The following DPP6 variants were observed in gnomAD, a reference collection of about 807,000 sequenced individuals.
DPP6 encodes A-type potassium channel modulatory protein DPP6.
Under a neutral mutation model 122.6 loss-of-function variants are expected in DPP6, and 69 were observed. The observed-to-expected ratio is 0.56, with a 90% CI of 0.46 to 0.69. The LOEUF (loss-of-function observed/expected upper bound fraction) is 0.69. Ranked by LOEUF, DPP6 falls within the 30% of genes least tolerant of loss-of-function variation. The pLI, the probability that DPP6 is intolerant of heterozygous loss-of-function variation, is 0.00. For missense variants in DPP6, 928 were observed against 1,116.9 expected (o/e 0.83, Z 2.41); for synonymous variants, 418 against 433.1 (o/e 0.97, Z 0.43).
intron 1 of DPP6, among the ~76,000 whole-genome samples, chr7:154,372,466 G>C (rs567064987): frequency 6.6e-6 from 1 of 152,158 alleles, no homozygotes; most frequent in Non-Finnish European, 1.5e-5. Flanking sequence ...CTGGCCGTGC[G>C]TGGGCAGTCA....
At chr7:153,868,424 C>T in the DPP6 span, among the ~76,000 whole-genome samples, 78 of 152,126 alleles carry the variant, frequency 5.1e-4, 1 homozygote, top group African/African-American at 1.8e-3. Context: ...TCTAGATTTT[C>T]TAGTTTATTT....
intron 1 of DPP6, among the ~76,000 whole-genome samples, chr7:154,140,121 A>C (rs1196825491): frequency 1.3e-5 from 2 of 152,164 alleles, no homozygotes; most frequent in African/African-American, 4.8e-5. Context: ...CAGCCCCTAC[A>C]TCGCTCTTTC....
chr7:154,873,914 A>C (rs1015350970), intron 19 of DPP6, among the ~76,000 whole-genome samples: 2 of 150,432 alleles, frequency 1.3e-5, no homozygotes, highest in African/African-American at 4.9e-5. Context: ...ACATAGGCAC[A>C]CACACATGCA....
chr7:154,113,410 T>C (rs866529889), intron 1 of DPP6, among the ~76,000 whole-genome samples: 62 of 139,852 alleles, frequency 4.4e-4, no homozygotes, highest in African/African-American at 1.5e-3. Flanking sequence ...TATATATATA[T>C]ATACACACAC....
the DPP6 span, among the ~76,000 whole-genome samples, chr7:153,791,513 G>A: frequency 2.1e-5 from 3 of 141,272 alleles, no homozygotes; most frequent in Non-Finnish European, 1.5e-5. Context: ...CTGCCTCCCA[G>A]GTGGTTCAAG....
chr7:154,153,100 T>C (rs1796505306), intron 1 of DPP6, among the ~76,000 whole-genome samples: 1 of 152,262 alleles, frequency 6.6e-6, no homozygotes, highest in Non-Finnish European at 1.5e-5. Context: ...GTCTGCCTTC[T>C]GGGTCAAGTG....
At chr7:154,049,612 GGAGTCGT>G (rs1173290293), upstream of DPP6, among the ~76,000 whole-genome samples, 3 of 129,170 alleles carry the variant, frequency 2.3e-5, no homozygotes, top group South Asian at 2.5e-4. Context: ...ATTTAGAGAT[GGAGTCGT>G]GCTCTGTCGC....
Position 154,751,727 on chromosome 7 carries a change from G to A in DPP6, c.884-17690G>A, listed in dbSNP as rs1294057398. 3.3e-5 allele frequency among the ~76,000 whole-genome samples: 5 copies of A among 152,234 alleles called. No homozygotes were observed. In the East Asian group the frequency reaches 7.7e-4, roughly 24 times the overall value. Reference sequence around the variant, plus strand: ...AGACACATGTCCAGAACATCGACGCGGGCCCATGTGCTTCCCTAGAGCAGC... The same window carrying A: ...AGACACATGTCCAGAACATCGACGCAGGCCCATGTGCTTCCCTAGAGCAGC... On this transcript the variant is annotated intron_variant, in intron 8 of 25. Coordinates refer to ENST00000377770, the MANE Select transcript of DPP6 (RefSeq NM_130797.4).
chr7:154,877,095 G>A lies in DPP6; in HGVS notation c.2078+995G>A, dbSNP rs987923320. On this transcript the variant is annotated intron_variant, in intron 20 of 25. Transcript: ENST00000377770. This position sits in a 1 kb window ranked among gnomAD's most constrained non-coding sequence, Gnocchi z 5.2. ...CCTATTATACCAGGGTGCTTTGTGC[G>A]TTTGGAAATTTTTACTCAACTGACT... is the stretch of plus-strand genomic sequence containing the variant. 4.6e-5 allele frequency: 7 copies of A among 152,298 alleles called. No individual in the cohort carries two copies. Among genetic ancestry groups the A allele is most frequent in the East Asian group, 3.9e-4 (2 of 5,190 alleles). 9.4% of individuals were successfully genotyped at this position (152,298 alleles called of 1,614,324 possible).
intron 5 of DPP6, among the ~76,000 whole-genome samples, chr7:154,608,136 C>T: frequency 1.3e-5 from 2 of 149,576 alleles, no homozygotes; most frequent in African/African-American, 4.9e-5. Flanking sequence ...TGTGCCACCA[C>T]ACCTGGCTAA....
At chr7:154,455,393 C>T (rs558876608) in intron 2 of DPP6, among the ~76,000 whole-genome samples, 2 of 152,206 alleles carry the variant, frequency 1.3e-5, no homozygotes, top group East Asian at 1.9e-4. Context: ...TCCACCACCA[C>T]GAGCAAGACC....
chr7:153,823,036 T>C, the DPP6 span, among the ~76,000 whole-genome samples: 3 of 152,110 alleles, frequency 2.0e-5, no homozygotes. Flanking sequence ...TGAAATATTC[T>C]GAGGGCCTCG....
intron 1 of DPP6, among the ~76,000 whole-genome samples, chr7:154,114,817 T>C (rs916826588): frequency 1.3e-5 from 2 of 151,994 alleles, no homozygotes; most frequent in African/African-American, 4.8e-5. Flanking sequence ...CAGAATGTCC[T>C]CCCTGATTTA....
chr7:154,326,746 C>G (rs1808479452), intron 1 of DPP6, among the ~76,000 whole-genome samples: 1 of 152,170 alleles, frequency 6.6e-6, no homozygotes, highest in African/African-American at 2.4e-5. Flanking sequence ...ATAATTTTTT[C>G]TAGAGAGCTA....
In DPP6 at chr7:154,003,350, A is replaced by T. The variant is rs138421415; in HGVS notation, c.51+115616A>T. Among the ~76,000 whole-genome samples, 1,175 of 152,304 alleles carry T rather than the reference A, an allele frequency of 7.7e-3. 20 individuals are homozygous for T. Among genetic ancestry groups the T allele is most frequent in the African/African-American group, 0.027 (1,105 of 41,566 alleles). On this transcript the variant is annotated intron_variant, in intron 1 of 25. Coordinates refer to the DPP6 transcript ENST00000404039. Reference sequence around the variant, plus strand: ...GAAAAAAAATGAAACCTGTGTAGACACTGAGTATGTTAGTTTGGAACAGTG... The same window carrying T: ...GAAAAAAAATGAAACCTGTGTAGACTCTGAGTATGTTAGTTTGGAACAGTG...
At chr7:153,856,292 G>A in the DPP6 span, among the ~76,000 whole-genome samples, 1 of 152,270 alleles carries the variant, frequency 6.6e-6, no homozygotes, top group South Asian at 2.1e-4. Flanking sequence ...AAGGTCACTG[G>A]TCTTACCAAA....
intron 7 of DPP6, among the ~76,000 whole-genome samples, chr7:154,679,788 A>G (rs536500215): frequency 1.3e-5 from 2 of 152,352 alleles, no homozygotes; most frequent in African/African-American, 2.4e-5. Flanking sequence ...GGTCTGTGAC[A>G]GTAGCCAAGA....
intron 14 of DPP6, 127 bp downstream of exon 14, chr7:154,804,082 C>A: frequency 1.7e-6 from 2 of 1,173,134 alleles, no homozygotes; most frequent in Admixed American, 4.4e-5. Flanking sequence ...GGCAGCATCA[C>A]TGACTCCTAG....
chr7:154,461,245 A>G (rs901678719), intron 2 of DPP6, among the ~76,000 whole-genome samples: 1 of 152,044 alleles, frequency 6.6e-6, no homozygotes, highest in African/African-American at 2.4e-5. Flanking sequence ...TACGTACCAT[A>G]TTTTCTTTAT....
Sources: allele counts gnomAD v4.1 joint callset (sites outside exome capture counted in the v4.1 genomes callset), GRCh38; gene constraint gnomAD v4.1.1; non-coding constraint Gnocchi (gnomAD v3.1); transcripts MANE v1.5; gene names NCBI Gene and HGNC (gene_info 2026-07-23, HGNC 2026-07-21).